Variants in IP6K3 observed in about 807,000 individuals in gnomAD.
IP6K3 encodes the protein inositol hexakisphosphate kinase 3, also known as ATP:1D-myo-inositol-hexakisphosphate phosphotransferase.
A neutral mutation model predicts 28.8 loss-of-function variants in IP6K3; 20 were observed. The observed-to-expected ratio is 0.70, with a 90% CI of 0.49 to 1.01. IP6K3 has a LOEUF of 1.01. Among genes scored for constraint, IP6K3 ranks in the 50% least tolerant of loss-of-function variants. The pLI is 0.00. For missense variants in IP6K3, 480 were observed against 537.1 expected (o/e 0.89, Z 1.05); for synonymous variants, 213 against 221.3 (o/e 0.96, Z 0.33).
At chr6:33,745,964 T>C (rs1015016229) in intron 1 of IP6K3, among the ~76,000 whole-genome samples, 3 of 152,078 alleles carry the variant, frequency 2.0e-5, no homozygotes, top group African/African-American at 7.2e-5. Flanking sequence ...AAAAAATAAA[T>C]GGGTAGCTTT....
the IP6K3 span, among the ~76,000 whole-genome samples, chr6:33,758,785 G>T: frequency 1.3e-5 from 2 of 152,176 alleles, no homozygotes; most frequent in Non-Finnish European, 2.9e-5. Flanking sequence ...TTTTAGTAGA[G>T]ACGATGTTTC....
chr6:33,746,889 C>T lies in IP6K3; in HGVS notation c.-311G>A, dbSNP rs1381353852. The T allele has an allele frequency of 6.6e-6, 1 of 152,402 alleles. No individual in the cohort carries two copies. Among genetic ancestry groups the T allele is most frequent in the Non-Finnish European group, 1.5e-5 (1 of 68,170 alleles). 9.4% of individuals were successfully genotyped at this position (152,402 alleles called of 1,614,324 possible). A position where few individuals can be genotyped will look rare whatever the true frequency, so the allele number is the denominator to read the frequency against. ...TGGAGCATTTGCTGTTCACCAGAGC[C>T]CTGGTGCGGGAGGTCTGCCCGGGAG... is the stretch of plus-strand genomic sequence containing the variant. On this transcript the variant is annotated 5_prime_UTR_variant, in exon 1 of 6. Coordinates refer to ENST00000293756, the MANE Select transcript of IP6K3 (RefSeq NM_054111.5). This position sits in a 1 kb window ranked among gnomAD's most constrained non-coding sequence, Gnocchi z 6.5.
At chr6:33,748,468 G>A (rs909521228), upstream of IP6K3, among the ~76,000 whole-genome samples, 6 of 151,774 alleles carry the variant, frequency 4.0e-5, no homozygotes, top group African/African-American at 1.2e-4. Context: ...ATGTGTTAGC[G>A]GCAAGAGAAC....
chr6:33,725,505 C>G lies in IP6K3; in HGVS notation c.701G>C (p.Arg234Pro), dbSNP rs201391790. 2 of 1,613,920 alleles carry G rather than the reference C, an allele frequency of 1.2e-6. No homozygotes were observed. Among genetic ancestry groups the G allele is most frequent in the African/African-American group, 1.3e-5 (1 of 75,036 alleles). ...GDDASEEKKARHMRKCAQSTS... is the reference protein window; with the variant it reads ...GDDASEEKKAPHMRKCAQSTS... ...GCTCTGCGCACACTTCCTCATGTGG[C>G]GGGCCTTCTTCTCCTCCGATGCATC... Residue 234 changes from arginine (R) to proline (P), a missense_variant, in exon 5 of 6, where the codon CGC becomes CCC. Coordinates refer to ENST00000293756, the MANE Select transcript of IP6K3 (RefSeq NM_054111.5).
At chr6:33,725,690 C>G in intron 4 of IP6K3, 74 bp from the exon 5 acceptor site, 1 of 1,395,764 alleles carries the variant, frequency 7.2e-7, no homozygotes, top group South Asian at 1.3e-5. Flanking sequence ...TTGCATGCCT[C>G]AGAAGCTGCC....
At chr6:33,745,366 T>C (rs1766869321) in intron 1 of IP6K3, among the ~76,000 whole-genome samples, 1 of 152,002 alleles carries the variant, frequency 6.6e-6, no homozygotes, top group Non-Finnish European at 1.5e-5. Context: ...ACAGGAGCAT[T>C]GAGGGGCAGG....
At chr6:33,760,830 G>T in the IP6K3 span, among the ~76,000 whole-genome samples, 1 of 151,952 alleles carries the variant, frequency 6.6e-6, no homozygotes. Context: ...CTGGGCCCCT[G>T]CAGATGTTTT....
upstream of IP6K3, among the ~76,000 whole-genome samples, chr6:33,751,386 G>A (rs1767019248): frequency 6.6e-6 from 1 of 152,170 alleles, no homozygotes; most frequent in African/African-American, 2.4e-5. The surrounding 1 kb of genome is among the most constrained non-coding windows in gnomAD (Gnocchi z 4.3). Context: ...CAAAATCTGG[G>A]AGGTGATAAA....
chr6:33,726,535 C>A (rs530658026), intron 4 of IP6K3, among the ~76,000 whole-genome samples, 196 bp downstream of exon 4: 139 of 152,356 alleles, frequency 9.1e-4, no homozygotes, highest in African/African-American at 2.7e-3. Context: ...TCTAGCTGTT[C>A]TTTTGGAGGC....
At chr6:33,741,865 C>A (rs568170104) in intron 1 of IP6K3, among the ~76,000 whole-genome samples, 1 of 149,258 alleles carries the variant, frequency 6.7e-6, no homozygotes, top group Non-Finnish European at 1.5e-5. Context: ...GCAGGAGAAT[C>A]GCTTGAACCT....
At position 33,728,128 on chromosome 6, in the gene IP6K3, G is replaced by C. The variant is rs200081230; in HGVS notation, c.372C>G (p.Ala124=). 4.2e-4 allele frequency: 683 copies of C among 1,609,226 alleles called. 1 individual carries two copies. The highest frequency in any genetic ancestry group is 2.2e-3 in the Middle Eastern group (13 of 6,040). ...GTGCCAGCTGGGCATGCGGCCACTG[G>C]GCAAGGGTGCAGTCGCTGCCATTGC... is the stretch of plus-strand genomic sequence containing the variant. ...TGSNGSDCTL[A]QWPHAQLARS... is the part of the protein sequence containing the mutation. Residue 124 remains alanine (A), a synonymous_variant, in exon 3 of 6, where the codon GCC becomes GCG. Coordinates refer to ENST00000293756, the MANE Select transcript of IP6K3 (RefSeq NM_054111.5).
At position 33,728,005 on chromosome 6, in the gene IP6K3, T is replaced by C. The variant is rs1766179161; in HGVS notation, c.413+82A>G. The C allele has an allele frequency of 4.5e-6, 7 of 1,542,952 alleles. 1 individual carries two copies. Among genetic ancestry groups the C allele is most frequent in the Non-Finnish European group, 5.2e-6 (6 of 1,150,076 alleles). On this transcript the variant is annotated intron_variant, in intron 3 of 5. Transcript: ENST00000293756. ...TCTCAGCACCAGCCTTAATAGGGAGTGGTTGGCCTTGGGCACAGGTGGGAG... is the reference window on the plus strand; with the variant it reads ...TCTCAGCACCAGCCTTAATAGGGAGCGGTTGGCCTTGGGCACAGGTGGGAG...
chr6:33,751,483 C>CGT (rs762389623), upstream of IP6K3, among the ~76,000 whole-genome samples: 1,986 of 61,568 alleles, frequency 0.032, 39 homozygotes, highest in African/African-American at 0.072. This position sits in a 1 kb window ranked among gnomAD's most constrained non-coding sequence, Gnocchi z 4.3. Context: ...CTCTGCAGGC[C>CGT]GTGTGTGTGT....
chr6:33,736,195 G>T (rs1328509570), intron 1 of IP6K3, among the ~76,000 whole-genome samples: 1 of 152,072 alleles, frequency 6.6e-6, no homozygotes. Flanking sequence ...TGTACTTTTT[G>T]AATTTAAATA....
intron 1 of IP6K3, among the ~76,000 whole-genome samples, chr6:33,745,887 G>T (rs927797782): frequency 6.6e-6 from 1 of 152,156 alleles, no homozygotes; most frequent in Non-Finnish European, 1.5e-5. Context: ...TCAGGCGCAG[G>T]ATGTACAAGT....
the IP6K3 span, among the ~76,000 whole-genome samples, chr6:33,758,768 T>G: frequency 6.6e-6 from 1 of 152,074 alleles, no homozygotes; most frequent in African/African-American, 2.4e-5. Context: ...CTGGCTACTT[T>G]TTGTGTTTTT....
intron 2 of IP6K3, among the ~76,000 whole-genome samples, chr6:33,732,522 A>T (rs1766356549): frequency 6.6e-6 from 1 of 152,136 alleles, no homozygotes; most frequent in African/African-American, 2.4e-5. Flanking sequence ...CTGACACCCG[A>T]GTCCACCCCT....
At position 33,723,166 on chromosome 6, in the gene IP6K3, ACTT is replaced by A. The variant is rs759630412; in HGVS notation, c.784_786del (p.Lys262del). On this transcript the variant is annotated inframe_deletion, in exon 6 of 6. Coordinates refer to ENST00000293756, the MANE Select transcript of IP6K3 (RefSeq NM_054111.5). ...TAGTACTTGTCTTTGCAGAGAAAGT[ACTT>A]CTTATCTGTTTGATAAACCTTACAT... 5 of 1,578,404 alleles carry A rather than the reference ACTT, an allele frequency of 3.2e-6. No individual in the cohort carries two copies. The highest frequency in any genetic ancestry group is 2.7e-5 in the African/African-American group (2 of 73,346).
At chr6:33,747,663 CCCAG>C (rs1766951195), upstream of IP6K3, among the ~76,000 whole-genome samples, 4 of 151,940 alleles carry the variant, frequency 2.6e-5, no homozygotes, top group African/African-American at 9.7e-5. This position sits in a 1 kb window ranked among gnomAD's most constrained non-coding sequence, Gnocchi z 5.2. Flanking sequence ...GGCCCAGAGG[CCCAG>C]AGGCAGGTGG....
Sources: allele counts gnomAD v4.1 joint callset (sites outside exome capture counted in the v4.1 genomes callset), GRCh38; gene constraint gnomAD v4.1.1; non-coding constraint Gnocchi (gnomAD v3.1); transcripts MANE v1.5; gene names NCBI Gene and HGNC (gene_info 2026-07-23, HGNC 2026-07-21).